The following CDH11 variants were observed in gnomAD, a reference collection of about 807,000 sequenced individuals.
The protein encoded by CDH11 is cadherin 11.
A neutral mutation model predicts 67.8 loss-of-function variants in CDH11; 11 were observed. The ratio of observed to expected loss-of-function variants is 0.16; its 90% confidence interval spans 0.10 to 0.27. The LOEUF (loss-of-function observed/expected upper bound fraction) is 0.27, where lower values mean the gene tolerates loss of function less well. Ranked by LOEUF, CDH11 falls within the 10% of genes least tolerant of loss-of-function variation. The pLI, the probability that CDH11 is intolerant of heterozygous loss-of-function variation, is 1.00. For missense variants in CDH11, 847 were observed against 1,031.2 expected, an observed-to-expected ratio of 0.82 and a Z score of 2.45; for synonymous variants, 419 against 400.0, an observed-to-expected ratio of 1.05 and a Z score of -0.57.
chr16:65,089,048 A>AT (rs1392018224), intron 1 of CDH11, among the ~76,000 whole-genome samples: 1 of 152,064 alleles, frequency 6.6e-6, no homozygotes, highest in Admixed American at 6.6e-5. Context: ...TGTTTTTGTC[A>AT]TTTTCTTCCT....
intron 11 of CDH11, among the ~76,000 whole-genome samples, chr16:64,960,045 T>C (rs1392421301): frequency 1.3e-5 from 2 of 152,232 alleles, no homozygotes; most frequent in South Asian, 2.1e-4. Flanking sequence ...TCAGTGCTCA[T>C]TGATCTGCCA....
chr16:64,981,886 G>C lies in CDH11; in HGVS notation c.1253+162C>G, dbSNP rs968633190. The C allele has an allele frequency of 1.0e-5, 6 of 602,392 alleles. No individual in the cohort carries two copies. In the African/African-American group the frequency reaches 1.1e-4, roughly 11 times the overall value. The allele number at this position is 602,392 out of a possible 1,614,324, so 37.3% of individuals were successfully genotyped here. A position where few individuals can be genotyped will look rare whatever the true frequency, so the allele number is the denominator to read the frequency against. On this transcript the variant is annotated intron_variant, in intron 8 of 12. Transcript: ENST00000268603. ...CAAAAAGTCAGGAACAGAGGTGAAG[G>C]GAAGCTCATGTCTTCTAAATCTTAA...
chr16:65,015,979 A>G (rs1051394267), intron 2 of CDH11, among the ~76,000 whole-genome samples: 6 of 152,172 alleles, frequency 3.9e-5, no homozygotes. Flanking sequence ...TAATCAGAGT[A>G]TGTGGATGGA....
Position 65,048,621 on chromosome 16 carries a change from A to C in CDH11, c.-173+5183T>G, listed in dbSNP as rs547681769. 3.9e-5 allele frequency among the ~76,000 whole-genome samples: 6 copies of C among 152,184 alleles called. No individual in the cohort carries two copies. The South Asian group carries it at 1.2e-3, about 32-fold the overall frequency. On this transcript the variant is annotated intron_variant, in intron 2 of 12. Transcript: ENST00000268603. ...TGCACATATACATATATACACATAAAAAAGAATGTAGTGTGTGTATATATA... is the reference window on the plus strand; with the variant it reads ...TGCACATATACATATATACACATAACAAAGAATGTAGTGTGTGTATATATA...
At chr16:65,081,796 T>A (rs2142801865) in intron 1 of CDH11, among the ~76,000 whole-genome samples, 1 of 152,344 alleles carries the variant, frequency 6.6e-6, no homozygotes, top group East Asian at 1.9e-4. Flanking sequence ...TGTATTAATT[T>A]CAAACAGCTA....
chr16:65,048,365 C>A (rs11863596), intron 2 of CDH11, among the ~76,000 whole-genome samples: 8,645 of 152,206 alleles, frequency 0.057, 550 homozygotes, highest in African/African-American at 0.16. Flanking sequence ...ATAGGGCTAC[C>A]TTTCAGCCCA....
intron 2 of CDH11, among the ~76,000 whole-genome samples, chr16:65,009,603 G>A (rs933192975): frequency 1.3e-5 from 2 of 152,148 alleles, no homozygotes; most frequent in Admixed American, 1.3e-4. Flanking sequence ...AGACCTTGAT[G>A]TTGGTAATAA....
At chr16:65,089,294 A>G (rs967572236) in intron 1 of CDH11, among the ~76,000 whole-genome samples, 1 of 152,144 alleles carries the variant, frequency 6.6e-6, no homozygotes, top group African/African-American at 2.4e-5. Context: ...TCTGAGCATT[A>G]TTTTTCTCAT....
At chr16:65,110,624 ATGTG>A (rs57316241) in intron 1 of CDH11, among the ~76,000 whole-genome samples, 5,926 of 135,756 alleles carry the variant, frequency 0.044, 138 homozygotes, top group East Asian at 0.062. Context: ...ATGGCCAATG[ATGTG>A]TGTGTGTGTG....
intron 2 of CDH11, among the ~76,000 whole-genome samples, chr16:65,027,619 G>A (rs1236718406): frequency 6.6e-6 from 1 of 152,316 alleles, no homozygotes; most frequent in Admixed American, 6.5e-5. Context: ...GGGCAACAAG[G>A]ACTTAGTGCC....
intron 2 of CDH11, among the ~76,000 whole-genome samples, chr16:65,039,658 T>C (rs1458406711): frequency 6.6e-6 from 1 of 152,128 alleles, no homozygotes; most frequent in Non-Finnish European, 1.5e-5. Context: ...GGGTAAAGAC[T>C]TCATGTCTAA....
In CDH11 at chr16:64,947,557, G is replaced by A; in HGVS notation, c.*46C>T. On this transcript the variant is annotated 3_prime_UTR_variant, in exon 13 of 13. Coordinates refer to ENST00000268603, the MANE Select transcript of CDH11 (RefSeq NM_001797.4). Reference sequence around the variant, plus strand: ...CTGTTTACACATCTTCTAGATTCTTGAGAACGCCAGACACAGTTCTTAAGG... The same window carrying A: ...CTGTTTACACATCTTCTAGATTCTTAAGAACGCCAGACACAGTTCTTAAGG... The A allele has an allele frequency of 6.4e-7, 1 of 1,552,560 alleles. No individual in the cohort carries two copies. The highest frequency in any genetic ancestry group is 1.2e-5 in the South Asian group (1 of 81,812).
At chr16:65,091,847 TC>T (rs2142831889) in intron 1 of CDH11, among the ~76,000 whole-genome samples, 1 of 152,244 alleles carries the variant, frequency 6.6e-6, no homozygotes, top group African/African-American at 2.4e-5. Flanking sequence ...TAGCCTCAGT[TC>T]CCTATTTAAA....
chr16:65,097,554 C>T (rs1413682516), intron 1 of CDH11, among the ~76,000 whole-genome samples: 4 of 152,302 alleles, frequency 2.6e-5, no homozygotes, highest in African/African-American at 9.6e-5. Flanking sequence ...GCAGCATTCT[C>T]TCCCAAGCTG....
chr16:65,098,657 T>G (rs2074939619), intron 1 of CDH11, among the ~76,000 whole-genome samples: 1 of 152,172 alleles, frequency 6.6e-6, no homozygotes, highest in African/African-American at 2.4e-5. Flanking sequence ...TGAGATACCA[T>G]GCCCTGCCTC....
intron 2 of CDH11, among the ~76,000 whole-genome samples, chr16:65,050,796 TAA>T (rs34691456): frequency 4.1e-5 from 6 of 145,120 alleles, no homozygotes; most frequent in Admixed American, 2.0e-4. Flanking sequence ...ATTTCCAGGT[TAA>T]AAAAAAAAAA....
chr16:65,099,427 C>G (rs1275495657), intron 1 of CDH11, among the ~76,000 whole-genome samples: 1 of 152,128 alleles, frequency 6.6e-6, no homozygotes, highest in African/African-American at 2.4e-5. Context: ...TCAGAATATT[C>G]ACAGGACATA....
chr16:65,039,088 CTTCTT>C (rs2073812222), intron 2 of CDH11, among the ~76,000 whole-genome samples: 2 of 152,298 alleles, frequency 1.3e-5, no homozygotes, highest in East Asian at 3.9e-4. Context: ...ACCTCTGTGG[CTTCTT>C]AGGCAAAGCA....
In CDH11 at chr16:64,946,420, T is replaced by G; in HGVS notation, c.*1183A>C. 1 of 1,035,358 alleles carries G rather than the reference T, an allele frequency of 9.7e-7. No homozygotes were observed. The highest frequency in any genetic ancestry group is 1.2e-6 in the Non-Finnish European group (1 of 860,074). The allele number at this position is 1,035,358 out of a possible 1,614,324, so 64.1% of individuals were successfully genotyped here. On this transcript the variant is annotated 3_prime_UTR_variant, in exon 13 of 13. Coordinates refer to ENST00000268603, the MANE Select transcript of CDH11 (RefSeq NM_001797.4). The stretch of plus-strand genomic sequence containing the variant: ...TCTGATAGCTCCATTCCCTCATGGA[T>G]TCATCTCTCATAACCATCAAATTAC...
Sources: allele counts gnomAD v4.1 joint callset (sites outside exome capture counted in the v4.1 genomes callset), GRCh38; gene constraint gnomAD v4.1.1; transcripts MANE v1.5; gene names NCBI Gene and HGNC (gene_info 2026-07-23, HGNC 2026-07-21).